The following CCDC178 variants were observed in gnomAD, a reference collection of about 807,000 sequenced individuals.
CCDC178 encodes coiled-coil domain-containing protein 178.
In CCDC178, 126 loss-of-function variants were observed where a neutral mutation model predicts 117.4. The observed-to-expected ratio is 1.07, with a 90% confidence interval of 0.93 to 1.24. CCDC178 has a LOEUF of 1.24. Among genes scored for constraint, CCDC178 ranks in the 50% most tolerant of loss-of-function variants. The probability of loss-of-function intolerance (pLI) is 0.00; values close to 1 mark genes in which losing one functional copy is unlikely to be tolerated. For missense variants in CCDC178, 1,030 were observed against 986.9 expected (o/e 1.04, Z -0.59); for synonymous variants, 283 against 313.4 (o/e 0.90, Z 1.02).
At chr18:33,015,598 A>AAC (rs2055970713) in intron 21 of CCDC178, among the ~76,000 whole-genome samples, 1 of 148,646 alleles carries the variant, frequency 6.7e-6, no homozygotes, top group Non-Finnish European at 1.5e-5. Flanking sequence ...ACAACAACAA[A>AAC]AACAGGAAAC....
intron 3 of CCDC178, among the ~76,000 whole-genome samples, chr18:33,403,301 A>G (rs1329127848): frequency 3.3e-5 from 5 of 152,172 alleles, no homozygotes; most frequent in African/African-American, 1.2e-4. Context: ...CATTAAGCCA[A>G]CTGGATAGAG....
chr18:32,987,410 T>C (rs538356377), intron 21 of CCDC178, among the ~76,000 whole-genome samples: 3 of 152,198 alleles, frequency 2.0e-5, no homozygotes, highest in South Asian at 2.1e-4. Flanking sequence ...TATCCATATA[T>C]ATATATCTAG....
At chr18:33,140,339 A>G (rs185741510) in intron 20 of CCDC178, among the ~76,000 whole-genome samples, 2 of 152,188 alleles carry the variant, frequency 1.3e-5, no homozygotes, top group Admixed American at 1.3e-4. Context: ...AGATCCACCA[A>G]CAGCTTGAAC....
In CCDC178 at chr18:33,030,805, A is replaced by G. The variant is rs147749244; in HGVS notation, c.2389-56124T>C. ...AGAAGATAGATAGATAGATGTAGAT[A>G]TAGATATGAGAGAGAGAATTTAATA... On this transcript the variant is annotated intron_variant, in intron 21 of 22. Coordinates refer to ENST00000383096, the MANE Select transcript of CCDC178 (RefSeq NM_001105528.4). 5.3e-3 allele frequency among the ~76,000 whole-genome samples: 814 copies of G among 152,316 alleles called. 9 individuals carry two copies. Among genetic ancestry groups the G allele is most frequent in the African/African-American group, 0.019 (782 of 41,578 alleles).
chr18:33,236,081 T>C (rs1353844930), intron 15 of CCDC178, among the ~76,000 whole-genome samples: 1 of 152,164 alleles, frequency 6.6e-6, no homozygotes, highest in Non-Finnish European at 1.5e-5. Context: ...TGCATTAACT[T>C]GAGAGAACAT....
At chr18:33,056,711 G>T (rs1271224112) in intron 21 of CCDC178, among the ~76,000 whole-genome samples, 1 of 152,150 alleles carries the variant, frequency 6.6e-6, no homozygotes, top group Non-Finnish European at 1.5e-5. Context: ...GAGAGAGTCA[G>T]GCATAAGAGG....
chr18:33,319,926 G>C (rs549698004), intron 11 of CCDC178, among the ~76,000 whole-genome samples: 1 of 152,106 alleles, frequency 6.6e-6, no homozygotes, highest in South Asian at 2.1e-4. Context: ...TTGTAGCAAG[G>C]CTGGTTCAAC....
At chr18:32,964,678 G>A (rs1424184078) in intron 22 of CCDC178, among the ~76,000 whole-genome samples, 3 of 151,886 alleles carry the variant, frequency 2.0e-5, no homozygotes, top group Middle Eastern at 3.4e-3. Context: ...CCTGCTTCAC[G>A]TCCCAGATGA....
At chr18:33,439,308 G>T (rs2064341815) in intron 2 of CCDC178, among the ~76,000 whole-genome samples, 1 of 152,220 alleles carries the variant, frequency 6.6e-6, no homozygotes, top group South Asian at 2.1e-4. Context: ...AATTAGTTGA[G>T]TCTAAGGTTG....
intron 20 of CCDC178, among the ~76,000 whole-genome samples, chr18:33,156,689 C>G (rs889829456): frequency 1.4e-5 from 2 of 141,642 alleles, no homozygotes; most frequent in African/African-American, 5.2e-5. Flanking sequence ...AGAAGAAGTA[C>G]TGAATTGTTT....
chr18:33,349,637 T>C (rs1055054172), intron 7 of CCDC178, among the ~76,000 whole-genome samples: 1 of 151,928 alleles, frequency 6.6e-6, no homozygotes, highest in Non-Finnish European at 1.5e-5. Flanking sequence ...TCATTATACA[T>C]TTTTTAAAAG....
intron 21 of CCDC178, among the ~76,000 whole-genome samples, chr18:32,998,729 C>A (rs951703500): frequency 1.3e-5 from 2 of 152,082 alleles, no homozygotes; most frequent in African/African-American, 4.8e-5. Flanking sequence ...CAGCCTGGGC[C>A]AGAAAGGAAC....
chr18:32,965,106 T>A (rs1307491748), intron 22 of CCDC178, among the ~76,000 whole-genome samples: 2 of 151,906 alleles, frequency 1.3e-5, no homozygotes, highest in African/African-American at 2.4e-5. Context: ...ACCTAACAAA[T>A]GAATTGTAAA....
At chr18:33,002,361 A>T (rs79355933) in intron 21 of CCDC178, among the ~76,000 whole-genome samples, 3 of 152,092 alleles carry the variant, frequency 2.0e-5, no homozygotes, top group African/African-American at 7.2e-5. Context: ...GAAAAAAAAA[A>T]CTAGAAATTA....
intron 20 of CCDC178, among the ~76,000 whole-genome samples, chr18:33,104,048 T>A (rs1327316907): frequency 6.6e-6 from 1 of 151,756 alleles, no homozygotes; most frequent in Non-Finnish European, 1.5e-5. Flanking sequence ...CAATGGGCAA[T>A]TTGATAGAAA....
chr18:33,318,548 G>C (rs2062453443), intron 11 of CCDC178, among the ~76,000 whole-genome samples: 2 of 152,102 alleles, frequency 1.3e-5, no homozygotes, highest in Admixed American at 6.5e-5. Context: ...TACACAATAA[G>C]AAAATCTAAT....
chr18:33,026,063 G>C (rs945678199), intron 21 of CCDC178, among the ~76,000 whole-genome samples: 1 of 152,090 alleles, frequency 6.6e-6, no homozygotes, highest in African/African-American at 2.4e-5. Flanking sequence ...ATTAATACAT[G>C]TGTGCATTTA....
chr18:33,308,080 C>T (rs1042557940), intron 11 of CCDC178, among the ~76,000 whole-genome samples: 6 of 152,180 alleles, frequency 3.9e-5, no homozygotes, highest in African/African-American at 1.4e-4. Context: ...CAGCCACTGT[C>T]CTCCAGACCC....
intron 22 of CCDC178, among the ~76,000 whole-genome samples, chr18:32,964,398 T>C (rs976161936): frequency 6.6e-6 from 1 of 152,018 alleles, no homozygotes; most frequent in African/African-American, 2.4e-5. Context: ...TGTGTGCCTA[T>C]ATGTAGTTTC....
Sources: allele counts gnomAD v4.1 joint callset (sites outside exome capture counted in the v4.1 genomes callset), GRCh38; gene constraint gnomAD v4.1.1; transcripts MANE v1.5; gene names NCBI Gene and HGNC (gene_info 2026-07-23, HGNC 2026-07-21).